SCAI: variants seen among roughly 807,000 people sequenced by gnomAD.
The protein encoded by SCAI is protein SCAI.
SCAI carries 24 observed loss-of-function variants against 92.2 expected under a neutral mutation model. That is an observed-to-expected ratio of 0.26 (90% CI 0.19 to 0.37). The LOEUF is 0.37. Among genes scored for constraint, SCAI ranks in the 10% least tolerant of loss-of-function variants. The pLI, the probability that SCAI is intolerant of heterozygous loss-of-function variation, is 1.00. For synonymous variants in SCAI, 261 were observed against 258.6 expected, an observed-to-expected ratio of 1.01 and a Z score of -0.09; for missense variants, 450 against 736.2, an observed-to-expected ratio of 0.61 and a Z score of 4.50.
chr9:125,113,425 T>C (rs1834968657), intron 2 of SCAI, among the ~76,000 whole-genome samples: 1 of 152,226 alleles, frequency 6.6e-6, no homozygotes, highest in South Asian at 2.1e-4. Context: ...TCTGAGAAAC[T>C]GTAACTGGCA....
At chr9:125,124,083 A>G (rs541924228) in intron 2 of SCAI, among the ~76,000 whole-genome samples, 1 of 152,340 alleles carries the variant, frequency 6.6e-6, no homozygotes, top group African/African-American at 2.4e-5. Flanking sequence ...TGTCATGAAG[A>G]TAGCCATTTC....
At chr9:125,074,404 G>T (rs1834045230) in intron 2 of SCAI, among the ~76,000 whole-genome samples, 1 of 151,178 alleles carries the variant, frequency 6.6e-6, no homozygotes, top group African/African-American at 2.4e-5. Flanking sequence ...TTACAGGCGT[G>T]CACCACCATG....
intron 17 of SCAI, chr9:124,968,666 TG>T: frequency 8.0e-7 from 1 of 1,247,918 alleles, no homozygotes; most frequent in Non-Finnish European, 1.2e-6. Flanking sequence ...CTACAGAGCC[TG>T]GGTGGCCCAA....
Position 125,038,236 on chromosome 9 carries a change from C to G in SCAI, c.231-8497G>C, listed in dbSNP as rs7875334. ...TGCGCCACTGCAGTCCAACAAGACCCTACCTCAAAAAAAGAAAAGAAATAA... is the reference window on the plus strand; with the variant it reads ...TGCGCCACTGCAGTCCAACAAGACCGTACCTCAAAAAAAGAAAAGAAATAA... On this transcript the variant is annotated intron_variant, in intron 3 of 17. Coordinates refer to ENST00000336505, the MANE Select transcript of SCAI (RefSeq NM_001144877.3). Among the ~76,000 whole-genome samples, 1,351 of 152,178 alleles carry G rather than the reference C, an allele frequency of 8.9e-3. 15 individuals are homozygous for G. Among genetic ancestry groups the G allele is most frequent in the African/African-American group, 0.031 (1,276 of 41,526 alleles).
chr9:125,026,241 A>T (rs1291931150), intron 6 of SCAI, among the ~76,000 whole-genome samples: 1 of 152,028 alleles, frequency 6.6e-6, no homozygotes, highest in African/African-American at 2.4e-5. Flanking sequence ...GGGGGTGGTG[A>T]CACAAGCCTG....
At chr9:124,964,130 G>A (rs547718486) in intron 17 of SCAI, among the ~76,000 whole-genome samples, 2 of 152,126 alleles carry the variant, frequency 1.3e-5, no homozygotes, top group South Asian at 2.1e-4. Flanking sequence ...TCTCATAGAA[G>A]TCAAAAGCCC....
intron 14 of SCAI, among the ~76,000 whole-genome samples, chr9:124,990,986 C>T (rs553691658): frequency 4.0e-4 from 61 of 152,280 alleles, no homozygotes; most frequent in African/African-American, 1.4e-3. Flanking sequence ...TCGAAAAGGG[C>T]TCTGAAAGTT....
At chr9:124,958,886 G>GAA (rs10692315) in intron 17 of SCAI, among the ~76,000 whole-genome samples, 1 of 145,576 alleles carries the variant, frequency 6.9e-6, no homozygotes, top group Admixed American at 6.8e-5. Context: ...CAGCCTGGGT[G>GAA]AGAGTGAGAC....
At chr9:125,055,753 C>T in intron 3 of SCAI, 123 bp downstream of exon 3, 2 of 588,718 alleles carry the variant, frequency 3.4e-6, no homozygotes, top group South Asian at 8.5e-5. Flanking sequence ...AAATCATGAT[C>T]ACTCTAATAC....
At chr9:125,106,570 T>C (rs1287506670) in intron 2 of SCAI, among the ~76,000 whole-genome samples, 3 of 152,152 alleles carry the variant, frequency 2.0e-5, no homozygotes, top group Non-Finnish European at 2.9e-5. Context: ...AAGTCTTGTG[T>C]AACAAGTTGG....
chr9:125,050,895 A>G (rs1427130966), intron 3 of SCAI, among the ~76,000 whole-genome samples: 1 of 151,816 alleles, frequency 6.6e-6, no homozygotes, highest in East Asian at 1.9e-4. Flanking sequence ...TAAACAAAAA[A>G]AAGAAAACAA....
chr9:125,013,877 A>G (rs937079669), intron 9 of SCAI, among the ~76,000 whole-genome samples: 61 of 152,336 alleles, frequency 4.0e-4, no homozygotes, highest in Middle Eastern at 3.4e-3. Context: ...GGTTCAATAT[A>G]TGCAAATCAA....
At chr9:124,987,684 G>A (rs544537294) in intron 14 of SCAI, among the ~76,000 whole-genome samples, 9 of 152,156 alleles carry the variant, frequency 5.9e-5, no homozygotes, top group East Asian at 3.9e-4. Context: ...TCTTTTGGCC[G>A]GGCATGGTGG....
At chr9:125,078,117 C>A (rs565161225) in intron 2 of SCAI, among the ~76,000 whole-genome samples, 13 of 151,990 alleles carry the variant, frequency 8.6e-5, no homozygotes, top group South Asian at 4.2e-4. Context: ...AAATGATTTG[C>A]AAATACATTA....
intron 2 of SCAI, among the ~76,000 whole-genome samples, chr9:125,121,678 C>T (rs530064886): frequency 5.9e-5 from 9 of 152,042 alleles, no homozygotes; most frequent in Non-Finnish European, 1.3e-4. Context: ...TGGTGAAACC[C>T]CATCTCTACT....
chr9:124,952,192 A>C lies in SCAI; in HGVS notation c.*615T>G, dbSNP rs1831243526. 6.6e-6 allele frequency: 1 copy of C among 152,190 alleles called. No homozygotes were observed. The highest frequency in any genetic ancestry group is 2.1e-4 in the South Asian group (1 of 4,836). The allele number at this position is 152,190 out of a possible 1,614,324, so 9.4% of individuals were successfully genotyped here. A position where few individuals can be genotyped will look rare whatever the true frequency, so the allele number is the denominator to read the frequency against. On this transcript the variant is annotated 3_prime_UTR_variant, in exon 18 of 18. Coordinates refer to ENST00000336505, the MANE Select transcript of SCAI (RefSeq NM_001144877.3). ...CTCATACATTCCAAGTAATATTACC[A>C]CCTCAAGTCCTCAATCAAGATGTAG... is the stretch of plus-strand genomic sequence containing the variant.
intron 15 of SCAI, 151 bp from the exon 16 acceptor site, chr9:124,971,995 C>G: frequency 2.2e-6 from 1 of 460,734 alleles, no homozygotes; most frequent in East Asian, 3.5e-5. Context: ...CACGAAACTA[C>G]AAAAACTTTG....
intron 2 of SCAI, among the ~76,000 whole-genome samples, chr9:125,126,611 C>G (rs574237597): frequency 6.6e-6 from 1 of 151,874 alleles, no homozygotes; most frequent in Admixed American, 6.6e-5. Flanking sequence ...AGAGAACACA[C>G]ATGCAAGGCA....
chr9:124,966,831 T>TC (rs1831550851), intron 17 of SCAI, among the ~76,000 whole-genome samples: 1 of 151,766 alleles, frequency 6.6e-6, no homozygotes, highest in Non-Finnish European at 1.5e-5. Context: ...CAGGCTGATC[T>TC]CCAATTCCTG....
Sources: allele counts gnomAD v4.1 joint callset (sites outside exome capture counted in the v4.1 genomes callset), GRCh38; gene constraint gnomAD v4.1.1; transcripts MANE v1.5; gene names NCBI Gene and HGNC (gene_info 2026-07-23, HGNC 2026-07-21).